Variants in DNAJC12 observed in about 807,000 individuals in gnomAD.
The protein encoded by DNAJC12 is DnaJ heat shock protein family (Hsp40) member C12.
In DNAJC12, 25 loss-of-function variants were observed where a neutral mutation model predicts 28.5. The observed-to-expected ratio is 0.88, with a 90% CI of 0.64 to 1.22. DNAJC12 has a LOEUF of 1.22. Ranked by LOEUF, DNAJC12 falls within the 50% of genes most tolerant of loss-of-function variation. The pLI is 0.00. For missense variants in DNAJC12, 222 were observed against 231.7 expected, an observed-to-expected ratio of 0.96 and a Z score of 0.27; for synonymous variants, 77 against 80.6, an observed-to-expected ratio of 0.95 and a Z score of 0.24.
chr10:67,814,348 A>G (rs568365230), intron 2 of DNAJC12, among the ~76,000 whole-genome samples: 1 of 152,286 alleles, frequency 6.6e-6, no homozygotes, highest in African/African-American at 2.4e-5. Flanking sequence ...TAAGCTATAA[A>G]CAAATATTGA....
chr10:67,831,102 C>T (rs952464748), intron 1 of DNAJC12, among the ~76,000 whole-genome samples: 15 of 152,138 alleles, frequency 9.9e-5, no homozygotes, highest in South Asian at 2.1e-4. Context: ...ACACAAGAAT[C>T]GCTTAAGCCT....
At chr10:67,813,235 C>A (rs1325604305) in intron 2 of DNAJC12, among the ~76,000 whole-genome samples, 1 of 150,688 alleles carries the variant, frequency 6.6e-6, no homozygotes, top group African/African-American at 2.4e-5. Flanking sequence ...TGGCGGTGGG[C>A]GCCTGTAATC....
intron 2 of DNAJC12, among the ~76,000 whole-genome samples, chr10:67,818,355 A>G (rs1404030299): frequency 1.3e-5 from 2 of 152,212 alleles, no homozygotes; most frequent in African/African-American, 4.8e-5. Flanking sequence ...AGGTTGAATC[A>G]TATATCAAAT....
chr10:67,797,892 T>C (rs778631636), intron 4 of DNAJC12, among the ~76,000 whole-genome samples: 5 of 151,964 alleles, frequency 3.3e-5, no homozygotes, highest in East Asian at 3.9e-4. Flanking sequence ...TACAAAAAAT[T>C]AGCCGGGCGT....
chr10:67,798,702 G>A (rs1219769225), intron 4 of DNAJC12, among the ~76,000 whole-genome samples: 6 of 150,348 alleles, frequency 4.0e-5, no homozygotes, highest in African/African-American at 1.5e-4. Context: ...GATAAGAAAA[G>A]GTACACCAAA....
chr10:67,805,542 T>G, intron 4 of DNAJC12, 41 bp downstream of exon 4: 1 of 1,557,076 alleles, frequency 6.4e-7, no homozygotes, highest in Non-Finnish European at 8.7e-7. Context: ...ACTCTTTAAT[T>G]TCAGACCTTC....
chr10:67,834,237 G>A (rs770711324), intron 1 of DNAJC12, among the ~76,000 whole-genome samples: 18 of 152,066 alleles, frequency 1.2e-4, no homozygotes, highest in Non-Finnish European at 2.4e-4. Flanking sequence ...ATAAAGGGAA[G>A]CTGGGTTAAG....
At chr10:67,832,440 ATAAT>A (rs1350060501) in intron 1 of DNAJC12, among the ~76,000 whole-genome samples, 11 of 152,154 alleles carry the variant, frequency 7.2e-5, no homozygotes, top group Non-Finnish European at 1.3e-4. Flanking sequence ...TAATCAAATG[ATAAT>A]TAATTAAGTC....
chr10:67,797,085 G>T lies in DNAJC12; in HGVS notation c.*31C>A. 1 of 1,566,942 alleles carries T rather than the reference G, an allele frequency of 6.4e-7. No individual in the cohort carries two copies. The highest frequency in any genetic ancestry group is 8.8e-7 in the Non-Finnish European group (1 of 1,139,206). ...TGTTGGCAGCATAGGGGACAGTCTT[G>T]CTCTTCCTCATTTTTTGAAGCAGAG... On this transcript the variant is annotated 3_prime_UTR_variant, in exon 5 of 5. Transcript: ENST00000225171.
chr10:67,799,485 A>G (rs950498576), intron 4 of DNAJC12, among the ~76,000 whole-genome samples: 2 of 152,246 alleles, frequency 1.3e-5, no homozygotes, highest in Admixed American at 1.3e-4. Context: ...TATCGATAAT[A>G]CATATTTCTC....
At chr10:67,817,530 A>G (rs1294922503) in intron 2 of DNAJC12, among the ~76,000 whole-genome samples, 1 of 152,190 alleles carries the variant, frequency 6.6e-6, no homozygotes, top group Non-Finnish European at 1.5e-5. Context: ...AAATCTTTCC[A>G]TTACATTCTG....
Position 67,823,401 on chromosome 10 carries a change from A to C in DNAJC12, c.79-9T>G, listed in dbSNP as rs116351951. 2,655 of 1,613,276 alleles carry C rather than the reference A, an allele frequency of 1.6e-3. 39 individuals are homozygous for C. In the African/African-American group the frequency reaches 0.03, roughly 18 times the overall value. On this transcript the variant is annotated splice_polypyrimidine_tract_variant and intron_variant, in intron 1 of 4. Transcript: ENST00000225171. ...GCCAGGATTTGTTCAACCTGAAACAAAAATCAGTGTTTAAAATAAAGAGTC... is the reference window on the plus strand; with the variant it reads ...GCCAGGATTTGTTCAACCTGAAACACAAATCAGTGTTTAAAATAAAGAGTC...
At chr10:67,830,613 AT>A (rs1194490393) in intron 1 of DNAJC12, among the ~76,000 whole-genome samples, 63 of 71,644 alleles carry the variant, frequency 8.8e-4, no homozygotes, top group African/African-American at 2.6e-3. Flanking sequence ...GTCTCAAAAA[AT>A]AAATAAATAA....
Position 67,824,269 on chromosome 10 carries a change from A to G in DNAJC12, c.79-877T>C, listed in dbSNP as rs575130018. Among the ~76,000 whole-genome samples, 11 of 151,950 alleles carry G rather than the reference A, an allele frequency of 7.2e-5. No individual in the cohort carries two copies. The East Asian group carries it at 7.7e-4, about 11-fold the overall frequency. On this transcript the variant is annotated intron_variant, in intron 1 of 4. Transcript: ENST00000225171. Reference sequence around the variant, plus strand: ...AAAAAAAAAAATATTTAAATACCCAAAATGATCAGGTAGGTTTCTCCTAGT... The same window carrying G: ...AAAAAAAAAAATATTTAAATACCCAGAATGATCAGGTAGGTTTCTCCTAGT...
chr10:67,811,387 T>C, intron 3 of DNAJC12, 137 bp downstream of exon 3: 1 of 1,505,196 alleles, frequency 6.6e-7, no homozygotes, highest in East Asian at 2.3e-5. Flanking sequence ...TTACGGACAC[T>C]GAATTATATC....
intron 1 of DNAJC12, among the ~76,000 whole-genome samples, chr10:67,828,073 G>A (rs1449940689): frequency 6.6e-6 from 1 of 152,164 alleles, no homozygotes; most frequent in African/African-American, 2.4e-5. Context: ...CCAGTAGGCT[G>A]CAAAACTGCC....
chr10:67,826,818 A>T (rs866819788), intron 1 of DNAJC12, among the ~76,000 whole-genome samples: 11 of 127,878 alleles, frequency 8.6e-5, no homozygotes, highest in African/African-American at 2.3e-4. Flanking sequence ...TGATATATAT[A>T]ATATATATCA....
intron 3 of DNAJC12, among the ~76,000 whole-genome samples, chr10:67,808,026 T>C (rs1841820460): frequency 6.6e-6 from 1 of 152,156 alleles, no homozygotes; most frequent in Non-Finnish European, 1.5e-5. Flanking sequence ...AACATCAGAG[T>C]GATGCTAAGC....
chr10:67,817,996 A>C (rs781702203), intron 2 of DNAJC12, among the ~76,000 whole-genome samples: 2 of 152,220 alleles, frequency 1.3e-5, no homozygotes, highest in Non-Finnish European at 2.9e-5. Context: ...TGAGTCCAGG[A>C]GTTTGAGACC....
Sources: allele counts gnomAD v4.1 joint callset (sites outside exome capture counted in the v4.1 genomes callset), GRCh38; gene constraint gnomAD v4.1.1; transcripts MANE v1.5; gene names NCBI Gene and HGNC (gene_info 2026-07-23, HGNC 2026-07-21).